The following SEL1L3 variants were observed in gnomAD, a reference collection of about 807,000 sequenced individuals.
The protein encoded by SEL1L3 is SEL1L family member 3.
Under a neutral mutation model 142.8 loss-of-function variants are expected in SEL1L3, and 76 were observed. The observed-to-expected ratio is 0.53, with a 90% CI of 0.44 to 0.64. The LOEUF (loss-of-function observed/expected upper bound fraction) is 0.64. SEL1L3 is among the 30% of genes least tolerant of loss of function. The pLI is 0.00. For missense variants in SEL1L3, 1,262 were observed against 1,381.7 expected, an observed-to-expected ratio of 0.91 and a Z score of 1.37; for synonymous variants, 504 against 519.6, an observed-to-expected ratio of 0.97 and a Z score of 0.41.
intron 6 of SEL1L3, among the ~76,000 whole-genome samples, chr4:25,829,417 G>A (rs9993404): frequency 0.068 from 10,404 of 152,202 alleles, 1,176 homozygotes; most frequent in African/African-American, 0.23. Flanking sequence ...TCAAAAAATT[G>A]CAAATCAAAT....
chr4:25,799,738 G>T (rs921590184), intron 11 of SEL1L3, among the ~76,000 whole-genome samples: 14 of 152,212 alleles, frequency 9.2e-5, no homozygotes, highest in African/African-American at 3.4e-4. Flanking sequence ...TGAGGTGTTT[G>T]CAGGGAATGG....
intron 11 of SEL1L3, among the ~76,000 whole-genome samples, chr4:25,799,271 C>T (rs1713012226): frequency 1.3e-5 from 2 of 152,078 alleles, no homozygotes; most frequent in Non-Finnish European, 2.9e-5. Context: ...GATGGGGTCT[C>T]ACTATGTTGC....
intron 13 of SEL1L3, among the ~76,000 whole-genome samples, chr4:25,786,419 A>C (rs915732986): frequency 1.4e-4 from 21 of 152,194 alleles, no homozygotes; most frequent in Admixed American, 9.2e-4. Flanking sequence ...TCTGCAAAAA[A>C]GTCTTACGGT....
At chr4:25,844,954 C>A (rs921913170) in intron 2 of SEL1L3, among the ~76,000 whole-genome samples, 1 of 147,400 alleles carries the variant, frequency 6.8e-6, no homozygotes. Flanking sequence ...TTCTAGACAT[C>A]TTTTCATTTA....
At chr4:25,762,847 G>C in intron 20 of SEL1L3, among the ~76,000 whole-genome samples, 1 of 152,002 alleles carries the variant, frequency 6.6e-6, no homozygotes, top group East Asian at 1.9e-4. Context: ...GTGTGGTGGC[G>C]CGCCTGTAGT....
In SEL1L3 at chr4:25,840,229, T is replaced by C. The variant is rs147485915; in HGVS notation, c.734-4906A>G. Among the ~76,000 whole-genome samples, 442 of 152,322 alleles carry C rather than the reference T, an allele frequency of 2.9e-3. 2 individuals carry two copies. Among genetic ancestry groups the C allele is most frequent in the African/African-American group, 8.9e-3 (371 of 41,570 alleles). On this transcript the variant is annotated intron_variant, in intron 2 of 23. Transcript: ENST00000399878. Reference sequence around the variant, plus strand: ...TTTCGAAAAATCATAAAGGGGAATGTAGATGCTAGGCATTAATTAGTGTTA... The same window carrying C: ...TTTCGAAAAATCATAAAGGGGAATGCAGATGCTAGGCATTAATTAGTGTTA...
intron 10 of SEL1L3, 90 bp from the exon 11 acceptor site, chr4:25,802,552 T>C (rs1054124395): frequency 3.8e-6 from 4 of 1,051,968 alleles, no homozygotes; most frequent in Non-Finnish European, 5.6e-6. Flanking sequence ...CCAATTCCTA[T>C]ATACAATCCT....
chr4:25,828,521 A>C (rs1353816794), intron 6 of SEL1L3, among the ~76,000 whole-genome samples: 1 of 150,744 alleles, frequency 6.6e-6, no homozygotes, highest in Non-Finnish European at 1.5e-5. Context: ...AGTAGCTGGG[A>C]TTACAGGTGC....
intron 6 of SEL1L3, among the ~76,000 whole-genome samples, chr4:25,822,655 T>G (rs1338074994): frequency 6.6e-6 from 1 of 151,928 alleles, no homozygotes; most frequent in Non-Finnish European, 1.5e-5. Context: ...AAAATTCAGT[T>G]AGGAGGAGGA....
At chr4:25,757,229 C>T (rs536921454) in intron 23 of SEL1L3, among the ~76,000 whole-genome samples, 1 of 152,122 alleles carries the variant, frequency 6.6e-6, no homozygotes, top group East Asian at 1.9e-4. Context: ...GATCACACCA[C>T]TGCACTCCAG....
At chr4:25,854,526 C>A (rs1482453040) in intron 1 of SEL1L3, among the ~76,000 whole-genome samples, 2 of 152,232 alleles carry the variant, frequency 1.3e-5, no homozygotes, top group African/African-American at 4.8e-5. Flanking sequence ...GATCCACCCA[C>A]CTCGGCCTTC....
Position 25,758,942 on chromosome 4 carries a change from T to C in SEL1L3, c.3082A>G (p.Arg1028Gly). The C allele has an allele frequency of 5.0e-6, 8 of 1,613,488 alleles. No homozygotes were observed. The highest frequency in any genetic ancestry group is 6.8e-6 in the Non-Finnish European group (8 of 1,179,692). ...NISILQELYE[R>G]CWSHSNEESF... The stretch of plus-strand genomic sequence containing the variant: ...CAGTTCTAGAGGCTCTGAGCTCACC[T>C]TTCGTACAGTTCCTGGAGAATGGAG... Residue 1028 changes from arginine (R) to glycine (G), a missense_variant and splice_region_variant, in exon 21 of 24, where the codon AGG (arginine) becomes GGG (glycine). Transcript: ENST00000399878.
intron 11 of SEL1L3, among the ~76,000 whole-genome samples, chr4:25,795,922 G>T (rs574595074): frequency 6.8e-6 from 1 of 146,114 alleles, no homozygotes; most frequent in Non-Finnish European, 1.5e-5. Flanking sequence ...TGTGGACTGG[G>T]AGAAAAAAAA....
Position 25,770,095 on chromosome 4 carries a change from T to A in SEL1L3, c.2670-2265A>T, listed in dbSNP as rs186230136. 3.2e-4 allele frequency among the ~76,000 whole-genome samples: 49 copies of A among 152,248 alleles called. No individual in the cohort carries two copies. In the Middle Eastern group the frequency reaches 0.01, roughly 32 times the overall value. On this transcript the variant is annotated intron_variant, in intron 17 of 23. Transcript: ENST00000399878. ...GTGAGCCGAGACTGTGCAACTGCAC[T>A]GCAGCCTGGGCGATAGAGCCAGATT...
chr4:25,757,921 A>G, intron 21 of SEL1L3, 131 bp from the exon 22 acceptor site: 1 of 657,324 alleles, frequency 1.5e-6, no homozygotes, highest in South Asian at 1.9e-5. Flanking sequence ...ACTGACAAAG[A>G]TGAGAGACAA....
chr4:25,818,113 A>C (rs755276457), intron 9 of SEL1L3, 25 bp downstream of exon 9: 16 of 1,608,064 alleles, frequency 9.9e-6, no homozygotes, highest in South Asian at 2.2e-5. Context: ...ACCAGCGCCT[A>C]AAGCCGAGGC....
chr4:25,862,825 GC>G lies in SEL1L3; in HGVS notation c.11del (p.Arg4ProfsTer51), dbSNP rs1255998186. 8.8e-7 allele frequency: 1 copy of G among 1,134,612 alleles called. No homozygotes were observed. Among genetic ancestry groups the G allele is most frequent in the Non-Finnish European group, 1.1e-6 (1 of 927,254 alleles). The allele number at this position is 1,134,612 out of a possible 1,614,324, so 70.3% of individuals were successfully genotyped here. On this transcript the variant is annotated frameshift_variant, in exon 1 of 24. Transcript: ENST00000399878. LOFTEE classifies it high-confidence loss of function. ...GCCGCGGCCACCCGAGCCCCGCGCC[GC>G]GCCGCTGCATGGCGAGGCCGCCCGG... MQR[R>X]GAGLGWPRQQ...
At chr4:25,757,484 CT>C in intron 23 of SEL1L3, 49 bp downstream of exon 23, 101 of 1,058,520 alleles carry the variant, frequency 9.5e-5, no homozygotes, top group Non-Finnish European at 1.2e-4. Flanking sequence ...AAAAAAATCC[CT>C]GCTTTTTTTT....
At chr4:25,782,120 T>G in intron 15 of SEL1L3, 122 bp downstream of exon 15, 1 of 842,768 alleles carries the variant, frequency 1.2e-6, no homozygotes. Flanking sequence ...CGAGACCCTC[T>G]GAGCTCCTCG....
Sources: allele counts gnomAD v4.1 joint callset (sites outside exome capture counted in the v4.1 genomes callset), GRCh38; gene constraint gnomAD v4.1.1; transcripts MANE v1.5; gene names NCBI Gene and HGNC (gene_info 2026-07-23, HGNC 2026-07-21).